Variants in AGRN observed in about 807,000 individuals in gnomAD.
AGRN encodes the protein agrin.
In AGRN, 106 loss-of-function variants were observed where a neutral mutation model predicts 211.0. That is an observed-to-expected ratio of 0.50 (90% CI 0.43 to 0.59). The LOEUF is 0.59. AGRN is among the 20% of genes least tolerant of loss of function. The pLI is 0.00. For synonymous variants in AGRN, 1,525 were observed against 1,332.5 expected (o/e 1.14, Z -3.15); for missense variants, 3,040 against 2,982.6 (o/e 1.02, Z -0.45).
At chr1:1,038,571 C>T (rs1433899046) in intron 3 of AGRN, among the ~76,000 whole-genome samples, 4 of 152,228 alleles carry the variant, frequency 2.6e-5, no homozygotes, top group Admixed American at 6.5e-5. Flanking sequence ...GGAGCATGCC[C>T]GCCATCCAGG....
intron 33 of AGRN, 73 bp downstream of exon 33, chr1:1,051,888 G>A (rs1056941927): frequency 6.3e-7 from 1 of 1,580,364 alleles, no homozygotes; most frequent in African/African-American, 1.3e-5. Flanking sequence ...CCCCACACCA[G>A]GAGGGCCCAG....
intron 28 of AGRN, 28 bp from the exon 29 acceptor site, chr1:1,050,399 A>G (rs1276897505): frequency 6.2e-7 from 1 of 1,612,540 alleles, no homozygotes; most frequent in Non-Finnish European, 8.5e-7. Flanking sequence ...GGGGACAGCA[A>G]AGACACCCCG....
intron 3 of AGRN, among the ~76,000 whole-genome samples, chr1:1,039,667 GTGA>G (rs1331117118): frequency 6.6e-6 from 1 of 152,154 alleles, no homozygotes; most frequent in Admixed American, 6.5e-5. Context: ...TTGAGGTCTG[GTGA>G]TGGGACGTGT....
In AGRN at chr1:1,049,236, G is replaced by A. The variant is rs544150531; in HGVS notation, c.4299G>A (p.Arg1433=). 5 of 1,580,554 alleles carry A rather than the reference G, an allele frequency of 3.2e-6. No individual in the cohort carries two copies. The highest frequency in any genetic ancestry group is 4.3e-6 in the Non-Finnish European group (5 of 1,169,424). Residue 1433 remains arginine (R), a splice_region_variant and synonymous_variant, in exon 25 of 36, where the codon AGG becomes AGA. Coordinates refer to ENST00000379370, the MANE Select transcript of AGRN (RefSeq NM_198576.4). ...LALLDGRVQL[R]FDTGSGPAVL... is the part of the protein sequence containing the mutation. ...CCTGAGCACCTGCTCCTGCCCTCAGGTTTGACACAGGTTCGGGGCCGGCGG... is the reference window on the plus strand; with the variant it reads ...CCTGAGCACCTGCTCCTGCCCTCAGATTTGACACAGGTTCGGGGCCGGCGG...
At chr1:1,052,098 C>CCG (rs1196732775) in intron 33 of AGRN, 1 of 1,410,832 alleles carries the variant, frequency 7.1e-7, no homozygotes, top group Non-Finnish European at 9.5e-7. Context: ...CCGGAGCCCC[C>CCG]GGGGAACTTT....
chr1:1,028,320 G>GCACC (rs779617012), intron 2 of AGRN, among the ~76,000 whole-genome samples: 1,100 of 105,086 alleles, frequency 0.01, 135 homozygotes, highest in Middle Eastern at 0.015. Context: ...GTGGGGAAAC[G>GCACC]CCCCCCCCCC....
At chr1:1,025,303 G>A (rs1214434045) in intron 2 of AGRN, among the ~76,000 whole-genome samples, 2 of 152,110 alleles carry the variant, frequency 1.3e-5, no homozygotes, top group Admixed American at 1.3e-4. Context: ...ATTCCGGCGT[G>A]TGCACCCTCC....
chr1:1,025,924 G>A (rs1052709719), intron 2 of AGRN, among the ~76,000 whole-genome samples: 3 of 152,258 alleles, frequency 2.0e-5, no homozygotes, highest in African/African-American at 2.4e-5. Context: ...GGTGCTTCCC[G>A]CCTGCGTGAA....
chr1:1,022,128 A>C, intron 1 of AGRN, 73 bp from the exon 2 acceptor site: 1 of 1,587,994 alleles, frequency 6.3e-7, no homozygotes, highest in Non-Finnish European at 8.6e-7. Flanking sequence ...ATTTGCCCTA[A>C]ACACCTAAAG....
chr1:1,043,495 G>C, intron 8 of AGRN, 38 bp downstream of exon 8: 2 of 1,601,832 alleles, frequency 1.2e-6, no homozygotes, highest in Non-Finnish European at 1.7e-6. Context: ...GGGTCGGGGA[G>C]AGAGAGGTTC....
At chr1:1,039,303 C>T (rs2100623151) in intron 3 of AGRN, among the ~76,000 whole-genome samples, 1 of 151,168 alleles carries the variant, frequency 6.6e-6, no homozygotes, top group East Asian at 2.0e-4. Context: ...ACTCAGCCTT[C>T]TGGGGTGGGG....
chr1:1,044,456 T>TG lies in AGRN; in HGVS notation c.2254+21dup, dbSNP rs768560390. 21 of 1,597,084 alleles carry TG rather than the reference T, an allele frequency of 1.3e-5. No individual in the cohort carries two copies. The highest frequency in any genetic ancestry group is 1.8e-5 in the Non-Finnish European group (21 of 1,172,620). ...CCTGCCGAGGTGAGCCGGCTGCACG[T>TG]GGGGTCTCAGGCACAGGCGGGGCGG... On this transcript the variant is annotated intron_variant, in intron 12 of 35. Coordinates refer to ENST00000379370, the MANE Select transcript of AGRN (RefSeq NM_198576.4).
chr1:1,046,736 G>T lies in AGRN; in HGVS notation c.3250+1G>T. 1.9e-6 allele frequency: 3 copies of T among 1,581,184 alleles called. No homozygotes were observed. The highest frequency in any genetic ancestry group is 2.6e-6 in the Non-Finnish European group (3 of 1,170,260). ...GAGGCCAGTGGGGGTGGCTCTGGGG[G>T]TGAGCAGGGATCAAGGACTTGGGGT... On this transcript the variant is annotated splice_donor_variant, in intron 18 of 35. Transcript: ENST00000379370. LOFTEE classifies it high-confidence loss of function.
chr1:1,048,771 A>C lies in AGRN; in HGVS notation c.4106-96A>C. The stretch of plus-strand genomic sequence containing the variant: ...AAAAAGAGCAAAACTCCGTCTCAAA[A>C]AAAAAAAAAAAAAAAAAAGCAGGGG... On this transcript the variant is annotated intron_variant, in intron 23 of 35. Transcript: ENST00000379370. This position sits in a 1 kb window ranked among gnomAD's most constrained non-coding sequence, Gnocchi z 5.9. The C allele has an allele frequency of 5.3e-6, 1 of 189,220 alleles. No homozygotes were observed. Among genetic ancestry groups the C allele is most frequent in the Non-Finnish European group, 7.1e-6 (1 of 140,180 alleles). 11.7% of individuals were successfully genotyped at this position (189,220 alleles called of 1,614,324 possible).
chr1:1,054,467 C>A lies in AGRN; in HGVS notation c.5896C>A (p.Leu1966Met). 1 of 1,595,066 alleles carries A rather than the reference C, an allele frequency of 6.3e-7. No individual in the cohort carries two copies. The highest frequency in any genetic ancestry group is 2.3e-5 in the East Asian group (1 of 44,074). The part of the protein sequence containing the change: ...VAHREQREGS[L>M]QVGNEAPVTG... Reference sequence around the variant, plus strand: ...ACCCAGGGAGCAGAGGGAAGGTTCCCTGCAGGTGGGCAATGAGGCCCCTGT... The same window carrying A: ...ACCCAGGGAGCAGAGGGAAGGTTCCATGCAGGTGGGCAATGAGGCCCCTGT... The change falls in exon 35 of 36, where the codon CTG (leucine) becomes ATG (methionine). Residue 1966 changes from leucine (L) to methionine (M), a missense_variant. By Grantham distance (15) the Leu-to-Met change is conservative (BLOSUM62 2). Coordinates refer to ENST00000379370, the MANE Select transcript of AGRN (RefSeq NM_198576.4).
Position 1,031,580 on chromosome 1 carries a change from G to A in AGRN, c.464-3697G>A, listed in dbSNP as rs541201733. On this transcript the variant is annotated intron_variant, in intron 2 of 35. Transcript: ENST00000379370. The surrounding 1 kb of genome is among the most constrained non-coding windows in gnomAD (Gnocchi z 4.8). ...CCCTTCCCCTGGCCCAGCCCAAGGG[G>A]CCCTAAGCCTCATTCCAGTGTCGGC... 2.1e-4 allele frequency among the ~76,000 whole-genome samples: 32 copies of A among 152,272 alleles called. 1 individual carries two copies. Among genetic ancestry groups the A allele is most frequent in the Admixed American group, 1.8e-3 (27 of 15,302 alleles).
At chr1:1,022,678 C>T (rs1644435476) in intron 2 of AGRN, among the ~76,000 whole-genome samples, 1 of 152,244 alleles carries the variant, frequency 6.6e-6, no homozygotes, top group African/African-American at 2.4e-5. Flanking sequence ...CCCTGGGGCC[C>T]AAGGCAAGTC....
chr1:1,033,195 G>T (rs2100600306), intron 2 of AGRN, among the ~76,000 whole-genome samples: 1 of 152,126 alleles, frequency 6.6e-6, no homozygotes, highest in South Asian at 2.1e-4. Context: ...CGCGGGAGTC[G>T]GGGGCGCCGG....
rs374138541 is a variant in AGRN at position 1,051,631 on chromosome 1, C to T, written c.5549C>T (p.Pro1850Leu). 2.1e-5 allele frequency: 34 copies of T among 1,611,302 alleles called. No individual in the cohort carries two copies. The highest frequency in any genetic ancestry group is 4.0e-5 in the African/African-American group (3 of 74,898). ...VCLCPGGFSG[P>L]HCEKGLVEKS... ...CTGTGTCCCGGGGGATTCTCAGGAC[C>T]GCACTGCGAGAAGGGTGAGCCTGGC... is the stretch of plus-strand genomic sequence containing the variant. The change falls in exon 32 of 36, where the codon CCG (proline) becomes CTG (leucine). Residue 1850 changes from proline to leucine, a missense_variant. This residue lies in a region of AGRN where 1,537 missense variants were observed against 1,505.0 expected (regional missense o/e 1.02). Transcript: ENST00000379370.
Sources: gnomAD v4.1 joint callset for allele counts (sites outside exome capture counted in the v4.1 genomes callset) on GRCh38, gnomAD v4.1.1 for gene constraint, gnomAD v4.1.1 regional missense constraint, Gnocchi (gnomAD v3.1) non-coding constraint, MANE v1.5 for transcripts, NCBI Gene and HGNC (gene_info 2026-07-23, HGNC 2026-07-21) for gene names.